The following RBFOX1 variants were observed in gnomAD, a reference collection of about 807,000 sequenced individuals.
RBFOX1 encodes the protein RNA binding fox-1 homolog 1, also known as RNA binding protein fox-1 homolog 1.
In RBFOX1, 8 loss-of-function variants were observed where a neutral mutation model predicts 57.7. The ratio of observed to expected loss-of-function variants is 0.14; its 90% CI spans 0.08 to 0.25. The LOEUF (loss-of-function observed/expected upper bound fraction) is 0.25. Among genes scored for constraint, RBFOX1 ranks in the 10% least tolerant of loss-of-function variants. The probability of loss-of-function intolerance (pLI) is 1.00; values close to 1 mark genes in which losing one functional copy is unlikely to be tolerated. For missense variants in RBFOX1, 611 were observed against 548.5 expected (o/e 1.11, Z -1.14); for synonymous variants, 326 against 222.4 (o/e 1.47, Z -4.15).
chr16:7,705,079 G>T (rs890381351), intron 14 of RBFOX1, among the ~76,000 whole-genome samples: 1 of 149,552 alleles, frequency 6.7e-6, no homozygotes, highest in African/African-American at 2.5e-5. Flanking sequence ...GAGAGCCAGA[G>T]AAAGAAGCAT....
chr16:6,958,348 A>T (rs981053693), intron 3 of RBFOX1, among the ~76,000 whole-genome samples: 1 of 152,188 alleles, frequency 6.6e-6, no homozygotes, highest in Non-Finnish European at 1.5e-5. Context: ...ATCCTCAAGT[A>T]GCATTTTTAT....
intron 1 of RBFOX1, among the ~76,000 whole-genome samples, chr16:6,219,417 C>T (rs187928501): frequency 6.6e-6 from 1 of 152,294 alleles, no homozygotes; most frequent in East Asian, 1.9e-4. Flanking sequence ...CACGACACTC[C>T]AGCCTGGGCA....
intron 1 of RBFOX1, among the ~76,000 whole-genome samples, chr16:6,192,152 T>C (rs554949682): frequency 1.8e-4 from 28 of 152,150 alleles, no homozygotes; most frequent in African/African-American, 6.5e-4. Context: ...TCCTTCCCCA[T>C]CGCAATTTAG....
intron 3 of RBFOX1, among the ~76,000 whole-genome samples, chr16:5,633,958 A>G (rs2048602520): frequency 6.6e-6 from 1 of 152,156 alleles, no homozygotes; most frequent in Non-Finnish European, 1.5e-5. Flanking sequence ...CCTAATTATC[A>G]CGATGCCCAT....
chr16:7,026,530 C>T (rs1014149923), intron 3 of RBFOX1, among the ~76,000 whole-genome samples: 1 of 152,070 alleles, frequency 6.6e-6, no homozygotes, highest in African/African-American at 2.4e-5. Flanking sequence ...CTCTCACACA[C>T]ATACACAATC....
chr16:7,501,101 C>T (rs2070679535), intron 4 of RBFOX1, among the ~76,000 whole-genome samples: 1 of 152,190 alleles, frequency 6.6e-6, no homozygotes, highest in Admixed American at 6.5e-5. Context: ...ATAAATTACC[C>T]AGCCTCAGAT....
intron 4 of RBFOX1, among the ~76,000 whole-genome samples, chr16:7,176,377 C>T (rs536411463): frequency 6.6e-6 from 1 of 151,794 alleles, no homozygotes; most frequent in African/African-American, 2.4e-5. Flanking sequence ...ATAGAGTGTA[C>T]TTTGTGACTA....
chr16:7,184,006 G>A (rs1398656203), intron 4 of RBFOX1, among the ~76,000 whole-genome samples: 1 of 152,206 alleles, frequency 6.6e-6, no homozygotes, highest in Non-Finnish European at 1.5e-5. Context: ...GAACTGAAAT[G>A]ATGAGGGGCG....
At chr16:6,663,766 C>T (rs1018615454) in intron 3 of RBFOX1, among the ~76,000 whole-genome samples, 2 of 152,186 alleles carry the variant, frequency 1.3e-5, no homozygotes, top group African/African-American at 4.8e-5. Flanking sequence ...AAAATTAGAG[C>T]ATCCCTGAGA....
At chr16:6,242,365 G>A (rs1052055756) in intron 1 of RBFOX1, among the ~76,000 whole-genome samples, 1 of 151,706 alleles carries the variant, frequency 6.6e-6, no homozygotes, top group Non-Finnish European at 1.5e-5. Flanking sequence ...TCTGCTCAAG[G>A]TTTTCTTTTT....
intron 4 of RBFOX1, among the ~76,000 whole-genome samples, chr16:7,063,465 C>G (rs539617454): frequency 6.6e-6 from 1 of 152,276 alleles, no homozygotes; most frequent in African/African-American, 2.4e-5. Context: ...ATGTTTATAA[C>G]AAGTGCCATT....
intron 4 of RBFOX1, among the ~76,000 whole-genome samples, chr16:7,246,940 A>T (rs2094326360): frequency 1.3e-5 from 2 of 152,116 alleles, no homozygotes; most frequent in Admixed American, 1.3e-4. Flanking sequence ...TACGACAGGG[A>T]TGAGAACAGT....
intron 4 of RBFOX1, among the ~76,000 whole-genome samples, chr16:7,296,701 C>G (rs994522014): frequency 6.6e-6 from 1 of 152,168 alleles, no homozygotes; most frequent in Non-Finnish European, 1.5e-5. Context: ...TGTCCCTGGC[C>G]ATGGATGTGG....
At chr16:7,229,663 G>T (rs1478544647) in intron 4 of RBFOX1, among the ~76,000 whole-genome samples, 2 of 89,348 alleles carry the variant, frequency 2.2e-5, no homozygotes, top group Non-Finnish European at 5.2e-5. Context: ...GGGAGGAAGG[G>T]CAAAGGAAGT....
intron 2 of RBFOX1, among the ~76,000 whole-genome samples, chr16:6,323,659 C>T (rs1305574816): frequency 1.3e-5 from 2 of 152,194 alleles, no homozygotes; most frequent in Non-Finnish European, 2.9e-5. Flanking sequence ...ATTGACCACA[C>T]AGCTGTCTTT....
At chr16:7,133,864 G>A (rs915652675) in intron 4 of RBFOX1, among the ~76,000 whole-genome samples, 2 of 152,004 alleles carry the variant, frequency 1.3e-5, no homozygotes, top group East Asian at 3.9e-4. Context: ...GAAATATCAT[G>A]GCTAATCCAA....
In RBFOX1 at chr16:5,597,899, A is replaced by T. The variant is rs934497219; in HGVS notation, c.259-1003A>T. ...CCTGCTGAGTGCTGTGTTACCTTGG[A>T]CAAATCCGTCAGCCTCTCTTTTGCT... On this transcript the variant is annotated intron_variant, in intron 2 of 2. Transcript: ENST00000585867. Among the ~76,000 whole-genome samples the T allele has an allele frequency of 3.6e-4, 55 of 152,288 alleles. 1 individual carries two copies. The highest frequency in any genetic ancestry group is 1.3e-3 in the African/African-American group (52 of 41,552).
intron 1 of RBFOX1, among the ~76,000 whole-genome samples, chr16:5,430,405 G>A (rs1471789604): frequency 6.6e-5 from 10 of 152,212 alleles, no homozygotes; most frequent in Admixed American, 6.5e-4. Flanking sequence ...CAGTGGGAGG[G>A]AGAGGTGCTG....
intron 4 of RBFOX1, among the ~76,000 whole-genome samples, chr16:5,896,722 G>C (rs1567683140): frequency 2.0e-5 from 3 of 152,184 alleles, no homozygotes; most frequent in Non-Finnish European, 4.4e-5. Context: ...AATAGGCATA[G>C]CTCTTCAGGG....
Sources: gnomAD v4.1 joint callset for allele counts (sites outside exome capture counted in the v4.1 genomes callset) on GRCh38, gnomAD v4.1.1 for gene constraint, MANE v1.5 for transcripts, NCBI Gene and HGNC (gene_info 2026-07-23, HGNC 2026-07-21) for gene names.